The following NCAPD3 variants were observed in gnomAD, a reference collection of about 807,000 sequenced individuals.
The protein encoded by NCAPD3 is condensin-2 complex subunit D3.
In NCAPD3, 105 loss-of-function variants were observed where a neutral mutation model predicts 182.9. The ratio of observed to expected loss-of-function variants is 0.57; its 90% CI spans 0.49 to 0.68. NCAPD3 has a LOEUF of 0.68. Among genes scored for constraint, NCAPD3 ranks in the 30% least tolerant of loss-of-function variants. The pLI is 0.00. For synonymous variants in NCAPD3, 815 were observed against 679.9 expected (o/e 1.20, Z -3.09); for missense variants, 1,944 against 1,837.0 (o/e 1.06, Z -1.07).
At chr11:134,213,688 C>T (rs1937922028) in intron 3 of NCAPD3, among the ~76,000 whole-genome samples, 1 of 149,700 alleles carries the variant, frequency 6.7e-6, no homozygotes, top group Non-Finnish European at 1.5e-5. Context: ...TACAAGAAAA[C>T]CTTTAAATAT....
At chr11:134,203,561 A>C in intron 11 of NCAPD3, 93 bp downstream of exon 11, 1 of 1,487,266 alleles carries the variant, frequency 6.7e-7, no homozygotes, top group Non-Finnish European at 9.1e-7. Context: ...TGCCATACCT[A>C]TTACTTTTGC....
chr11:134,157,088 T>C lies in NCAPD3; in HGVS notation c.4182A>G (p.Ser1394=). 1 of 1,612,866 alleles carries C rather than the reference T, an allele frequency of 6.2e-7. No homozygotes were observed. The highest frequency in any genetic ancestry group is 8.5e-7 in the Non-Finnish European group (1 of 1,179,402). The change falls in exon 32 of 35, where the codon TCA becomes TCG. Residue 1394 remains serine, a synonymous_variant. Coordinates refer to ENST00000534548, the MANE Select transcript of NCAPD3 (RefSeq NM_015261.3). ...CATTCGACTCTTGCTCCAAACTGTA[T>C]GAAGACACTAGAACAGAAAAGGTGC... ...SPEKTCSQVS[S]YSLEQESNGE...
At chr11:134,168,226 C>T in intron 26 of NCAPD3, 31 bp from the exon 27 acceptor site, 1 of 1,597,294 alleles carries the variant, frequency 6.3e-7, no homozygotes, top group Non-Finnish European at 8.6e-7. Context: ...AAAACGTGAG[C>T]TTCTGAGAAA....
chr11:134,179,037 A>C (rs995628939), intron 20 of NCAPD3, 101 bp from the exon 21 acceptor site: 7 of 745,936 alleles, frequency 9.4e-6, no homozygotes, highest in South Asian at 3.6e-5. Context: ...TATCCCCCAA[A>C]TTTAAAACAA....
chr11:134,208,915 A>G lies in NCAPD3; in HGVS notation c.831T>C (p.Ala277=). Residue 277 remains alanine (A), a synonymous_variant, in exon 7 of 35, where the codon GCT becomes GCC. Coordinates refer to ENST00000534548, the MANE Select transcript of NCAPD3 (RefSeq NM_015261.3). ...AGCACAGCAAATACAATCCATAATAAGCCAGTTCTGGTATGTATTTTGCTT... is the reference window on the plus strand; with the variant it reads ...AGCACAGCAAATACAATCCATAATAGGCCAGTTCTGGTATGTATTTTGCTT... The part of the protein sequence containing the change: ...LNQAKYIPEL[A]YYGLYLLCSP... 1 of 1,612,928 alleles carries G rather than the reference A, an allele frequency of 6.2e-7. No individual in the cohort carries two copies. Among genetic ancestry groups the G allele is most frequent in the Non-Finnish European group, 8.5e-7 (1 of 1,179,594 alleles).
At chr11:134,205,472 C>A (rs182373619) in intron 8 of NCAPD3, among the ~76,000 whole-genome samples, 211 of 150,368 alleles carry the variant, frequency 1.4e-3, no homozygotes, top group African/African-American at 4.8e-3. Context: ...CTTCCCCCAC[C>A]GGGTTCAAGA....
At chr11:134,153,493 G>A (rs1943323479) in intron 32 of NCAPD3, 130 bp from the exon 33 acceptor site, 1 of 893,992 alleles carries the variant, frequency 1.1e-6, no homozygotes. Flanking sequence ...ACCTCCACTG[G>A]ACCCTGTCCC....
chr11:134,225,074 C>A (rs1047491730), upstream of NCAPD3: 6 of 1,528,980 alleles, frequency 3.9e-6, no homozygotes, highest in African/African-American at 2.7e-5. Flanking sequence ...GCCCGCGCCC[C>A]GGTGCGAGGG....
chr11:134,172,229 G>A (rs779769532), intron 24 of NCAPD3, among the ~76,000 whole-genome samples: 21 of 152,054 alleles, frequency 1.4e-4, no homozygotes, highest in South Asian at 2.1e-4. Flanking sequence ...CCAAATCCCC[G>A]CAGGACTCCC....
chr11:134,223,865 A>C lies in NCAPD3; in HGVS notation c.62T>G (p.Leu21Arg), dbSNP rs771054704. The C allele has an allele frequency of 6.2e-7, 1 of 1,612,406 alleles. No homozygotes were observed. Among genetic ancestry groups the C allele is most frequent in the Non-Finnish European group, 8.5e-7 (1 of 1,179,688 alleles). ...GCCTCCCGGCTGCATCTGCTCACCGAGTCTAAGATCCAGCGGACACCAGGG... is the reference window on the plus strand; with the variant it reads ...GCCTCCCGGCTGCATCTGCTCACCGCGTCTAAGATCCAGCGGACACCAGGG... Reference protein sequence around the residue: ...LQPWCPLDLRLEWVDTVWELD... With the variant: ...LQPWCPLDLRREWVDTVWELD... The change falls in exon 1 of 35, where the codon CTC becomes CGC. Residue 21 changes from leucine (L) to arginine (R), a missense_variant and splice_region_variant. Around this residue, in one of 3 missense-constraint regions of NCAPD3, gnomAD observed 131 missense variants for 133.9 expected, o/e 0.98. Coordinates refer to ENST00000534548, the MANE Select transcript of NCAPD3 (RefSeq NM_015261.3).
Position 134,178,622 on chromosome 11 carries a change from T to A in NCAPD3, c.2782+12A>T. The A allele has an allele frequency of 2.6e-6, 4 of 1,520,680 alleles. No homozygotes were observed. Among genetic ancestry groups the A allele is most frequent in the Non-Finnish European group, 3.5e-6 (4 of 1,129,230 alleles). The allele number at this position is 1,520,680 out of a possible 1,614,324, so 94.2% of individuals were successfully genotyped here. A position where few individuals can be genotyped will look rare whatever the true frequency, so the allele number is the denominator to read the frequency against. ...AACGATGTCAAGCCCCATTCTCCCA[T>A]GTTTTTCTTACCTAAGGTAATGATG... On this transcript the variant is annotated intron_variant, in intron 22 of 34. Transcript: ENST00000534548.
chr11:134,183,054 T>C (rs1390245189), intron 19 of NCAPD3: 2 of 454,840 alleles, frequency 4.4e-6, no homozygotes, highest in Non-Finnish European at 8.8e-6. Context: ...CTCATGACAA[T>C]GTAACCACCG....
Position 134,194,103 on chromosome 11 carries a change from T to C in NCAPD3, c.1737A>G (p.Glu579=), listed in dbSNP as rs1167578553. 2 of 1,614,192 alleles carry C rather than the reference T, an allele frequency of 1.2e-6. No homozygotes were observed. The highest frequency in any genetic ancestry group is 8.5e-7 in the Non-Finnish European group (1 of 1,179,994). ...LKHCDVSGMK[E]DLWILQDQCR... ...ACTGGTCCTGCAGAATCCACAGGTC[T>C]TCCTTCATGCCTGAGACATCACAGT... is the stretch of plus-strand genomic sequence containing the variant. The change falls in exon 15 of 35, where the codon GAA becomes GAG. Residue 579 remains glutamate (E), a synonymous_variant. Coordinates refer to ENST00000534548, the MANE Select transcript of NCAPD3 (RefSeq NM_015261.3).
chr11:134,170,816 G>C (rs546498472), intron 24 of NCAPD3, among the ~76,000 whole-genome samples: 2 of 152,334 alleles, frequency 1.3e-5, no homozygotes, highest in African/African-American at 2.4e-5. Flanking sequence ...TAGTCACAGA[G>C]CTTTCTAGCA....
At position 134,204,837 on chromosome 11, in the gene NCAPD3, ACAC is replaced by A. The variant is rs1445498630; in HGVS notation, c.1089+59_1089+61del. 64 of 1,361,798 alleles carry A rather than the reference ACAC, an allele frequency of 4.7e-5. No individual in the cohort carries two copies. The highest frequency in any genetic ancestry group is 5.4e-5 in the Non-Finnish European group (52 of 957,934). The allele number at this position is 1,361,798 out of a possible 1,614,324, so 84.4% of individuals were successfully genotyped here. On this transcript the variant is annotated intron_variant, in intron 9 of 34. Transcript: ENST00000534548. The surrounding 1 kb of genome is among the most constrained non-coding windows in gnomAD (Gnocchi z 4.3). ...AATACCCACACTCACACACACACACACACATTTATCTTCACACACGATATACTT... is the reference window on the plus strand; with the variant it reads ...AATACCCACACTCACACACACACACAATTTATCTTCACACACGATATACTT...
At chr11:134,223,559 AATAG>A in intron 1 of NCAPD3, 2 of 691,340 alleles carry the variant, frequency 2.9e-6, no homozygotes, top group Non-Finnish European at 2.7e-6. Context: ...AATAGGTAAG[AATAG>A]ATAGGTGCAC....
Position 134,157,098 on chromosome 11 carries a change from A to T in NCAPD3, c.4175-3T>A, listed in dbSNP as rs1237818123. On this transcript the variant is annotated splice_polypyrimidine_tract_variant and splice_region_variant and intron_variant, in intron 31 of 34. Coordinates refer to ENST00000534548, the MANE Select transcript of NCAPD3 (RefSeq NM_015261.3). ...TTGCTCCAAACTGTATGAAGACACT[A>T]GAACAGAAAAGGTGCTGCTATCCAG... 8.1e-6 allele frequency: 13 copies of T among 1,610,358 alleles called. No homozygotes were observed. The highest frequency in any genetic ancestry group is 1.1e-5 in the Non-Finnish European group (13 of 1,177,706).
chr11:134,175,072 C>T (rs1196620218), intron 24 of NCAPD3, among the ~76,000 whole-genome samples: 5 of 152,158 alleles, frequency 3.3e-5, no homozygotes, highest in African/African-American at 4.8e-5. Context: ...TCTTACTACA[C>T]GGTAAAGTAT....
chr11:134,220,148 C>A (rs1938172756), intron 2 of NCAPD3, among the ~76,000 whole-genome samples: 1 of 151,704 alleles, frequency 6.6e-6, no homozygotes, highest in South Asian at 2.1e-4. Flanking sequence ...TTTGCATTTT[C>A]CTTGGTCTAG....
Sources: gnomAD v4.1 joint callset for allele counts (sites outside exome capture counted in the v4.1 genomes callset) on GRCh38, gnomAD v4.1.1 for gene constraint, gnomAD v4.1.1 regional missense constraint, Gnocchi (gnomAD v3.1) non-coding constraint, MANE v1.5 for transcripts, NCBI Gene and HGNC (gene_info 2026-07-23, HGNC 2026-07-21) for gene names.